The following USH2A variants were observed in gnomAD, a reference collection of about 807,000 sequenced individuals.
The protein encoded by USH2A is usherin.
USH2A carries 443 observed loss-of-function variants against 538.9 expected under a neutral mutation model. The ratio of observed to expected loss-of-function variants is 0.82; its 90% CI spans 0.76 to 0.89. USH2A has a LOEUF of 0.89. Among genes scored for constraint, USH2A ranks in the 40% least tolerant of loss-of-function variants. The probability of loss-of-function intolerance (pLI) is 0.00; values close to 1 mark genes in which losing one functional copy is unlikely to be tolerated. For synonymous variants in USH2A, 2,413 were observed against 2,273.5 expected, an observed-to-expected ratio of 1.06 and a Z score of -1.75; for missense variants, 6,633 against 6,324.8, an observed-to-expected ratio of 1.05 and a Z score of -1.65.
chr1:215,679,655 A>C (rs1439618164), intron 62 of USH2A, among the ~76,000 whole-genome samples: 1 of 152,258 alleles, frequency 6.6e-6, no homozygotes, highest in African/African-American at 2.4e-5. Flanking sequence ...TCACGGCTAC[A>C]TACAGAAGTT....
intron 52 of USH2A, among the ~76,000 whole-genome samples, chr1:215,783,858 T>C (rs977885751): frequency 4.6e-5 from 7 of 152,172 alleles, no homozygotes; most frequent in Non-Finnish European, 8.8e-5. Context: ...CTCATCTCCA[T>C]TGGACGTGGA....
Position 216,325,331 on chromosome 1 carries a change from CT to C in USH2A, c.1116del (p.Val373LeufsTer25). 6.2e-7 allele frequency: 1 copy of C among 1,613,804 alleles called. No individual in the cohort carries two copies. Among genetic ancestry groups the C allele is most frequent in the Non-Finnish European group, 8.5e-7 (1 of 1,179,852 alleles). On this transcript the variant is annotated frameshift_variant, in exon 6 of 72. Transcript: ENST00000307340. LOFTEE classifies it high-confidence loss of function. ...TGATACTGTCCATTTTCCAAATCAA[CT>C]GAAATAGTCACTCCTTGATTAAGCT... Reference protein sequence around the residue: ...ITQLNQGVTISVDLENGQYQV... With the variant: ...ITQLNQGVTIXVDLENGQYQV...
At chr1:216,127,578 C>T (rs1458470681) in intron 21 of USH2A, among the ~76,000 whole-genome samples, 4 of 152,140 alleles carry the variant, frequency 2.6e-5, no homozygotes, top group Non-Finnish European at 5.9e-5. Flanking sequence ...ATACAGAGAC[C>T]TTGCTAATAT....
intron 69 of USH2A, among the ~76,000 whole-genome samples, chr1:215,638,381 A>G (rs1253689660): frequency 6.6e-6 from 1 of 152,170 alleles, no homozygotes; most frequent in Non-Finnish European, 1.5e-5. Flanking sequence ...ACACTTTGGG[A>G]GGCCAAGGTG....
intron 3 of USH2A, among the ~76,000 whole-genome samples, chr1:216,387,162 G>A (rs1315299142): frequency 1.3e-5 from 2 of 152,160 alleles, no homozygotes; most frequent in Non-Finnish European, 2.9e-5. Context: ...ATAGAAAAGT[G>A]AAGAAATAGG....
intron 11 of USH2A, among the ~76,000 whole-genome samples, chr1:216,266,811 A>G (rs2036481756): frequency 1.3e-5 from 2 of 152,116 alleles, no homozygotes. Context: ...ATAGACAAGC[A>G]AAGGAATTAT....
In USH2A at chr1:215,752,023, T is replaced by C. The variant is rs74144035; in HGVS notation, c.11389+6572A>G. 2.2e-3 allele frequency among the ~76,000 whole-genome samples: 340 copies of C among 152,216 alleles called. 1 individual carries two copies. The highest frequency in any genetic ancestry group is 7.7e-3 in the African/African-American group (320 of 41,562). ...CATCCATAAGACAAGATGCAGTCTT[T>C]GGAAAATATGTGTATGTGCTCTGTT... is the stretch of plus-strand genomic sequence containing the variant. On this transcript the variant is annotated intron_variant, in intron 58 of 71. Coordinates refer to ENST00000307340, the MANE Select transcript of USH2A (RefSeq NM_206933.4).
intron 38 of USH2A, among the ~76,000 whole-genome samples, chr1:215,927,249 G>A (rs1252720642): frequency 2.0e-5 from 3 of 151,902 alleles, no homozygotes; most frequent in Non-Finnish European, 2.9e-5. Context: ...AAAAGACTTA[G>A]GATATTACAA....
intron 34 of USH2A, among the ~76,000 whole-genome samples, chr1:215,997,523 C>T (rs1247650399): frequency 6.6e-6 from 1 of 152,040 alleles, no homozygotes; most frequent in Non-Finnish European, 1.5e-5. Flanking sequence ...AATTAATACT[C>T]AGGGCAGAGG....
chr1:215,815,632 G>A (rs1662841104), intron 48 of USH2A, among the ~76,000 whole-genome samples: 1 of 151,678 alleles, frequency 6.6e-6, no homozygotes, highest in Admixed American at 6.6e-5. Context: ...CCTAAACATA[G>A]GTAAATATTA....
chr1:216,316,325 TAAC>T (rs2037508643), intron 9 of USH2A, among the ~76,000 whole-genome samples: 1 of 152,120 alleles, frequency 6.6e-6, no homozygotes, highest in South Asian at 2.1e-4. Flanking sequence ...AAATAGGAGT[TAAC>T]AATGAATATA....
At chr1:216,152,434 A>AC (rs1572004042) in intron 21 of USH2A, among the ~76,000 whole-genome samples, 1 of 135,538 alleles carries the variant, frequency 7.4e-6, no homozygotes, top group East Asian at 2.4e-4. Flanking sequence ...CTCAAAAATC[A>AC]CCCCCACTGA....
At chr1:216,107,803 C>G (rs2032775083) in intron 21 of USH2A, among the ~76,000 whole-genome samples, 1 of 151,168 alleles carries the variant, frequency 6.6e-6, no homozygotes, top group Non-Finnish European at 1.5e-5. Context: ...CCTAGGTAGA[C>G]TTTAGACTTT....
At chr1:215,815,536 C>T (rs892856844) in intron 48 of USH2A, among the ~76,000 whole-genome samples, 12 of 151,816 alleles carry the variant, frequency 7.9e-5, no homozygotes, top group Non-Finnish European at 1.8e-4. Flanking sequence ...TGGTACAAAG[C>T]TTCAGTAAAT....
intron 64 of USH2A, among the ~76,000 whole-genome samples, chr1:215,658,747 C>A (rs1458730355): frequency 6.6e-5 from 10 of 152,214 alleles, no homozygotes. Flanking sequence ...AGCAATATTG[C>A]ATATTACACA....
At position 216,063,901 on chromosome 1, in the gene USH2A, A is replaced by C. The variant is rs78576126; in HGVS notation, c.6049+6200T>G. Among the ~76,000 whole-genome samples the C allele has an allele frequency of 7.9e-3, 1,207 of 152,352 alleles. 21 individuals carry two copies. Among genetic ancestry groups the C allele is most frequent in the African/African-American group, 0.027 (1,128 of 41,570 alleles). On this transcript the variant is annotated intron_variant, in intron 30 of 71. Transcript: ENST00000307340. ...ATCACCAAATTTCTATAGACTACTA[A>C]TATTAAACATTGAAATGAATGTGTG...
At chr1:216,221,724 T>G (rs2035460935) in intron 14 of USH2A, among the ~76,000 whole-genome samples, 1 of 152,220 alleles carries the variant, frequency 6.6e-6, no homozygotes, top group Non-Finnish European at 1.5e-5. Context: ...GGTTCTGATC[T>G]GAGAACACTG....
chr1:216,337,678 C>T (rs1558044083), intron 4 of USH2A, among the ~76,000 whole-genome samples: 1 of 151,146 alleles, frequency 6.6e-6, no homozygotes, highest in East Asian at 1.9e-4. Flanking sequence ...CTAGACCTCA[C>T]AATCAGACAA....
At chr1:215,790,409 G>A in intron 50 of USH2A, 127 bp from the exon 51 acceptor site, 4 of 946,572 alleles carry the variant, frequency 4.2e-6, no homozygotes, top group Non-Finnish European at 6.5e-6. Context: ...ACCTAAGGTA[G>A]CATTTCCCTA....
Sources: allele counts gnomAD v4.1 joint callset (sites outside exome capture counted in the v4.1 genomes callset), GRCh38; gene constraint gnomAD v4.1.1; transcripts MANE v1.5; gene names NCBI Gene and HGNC (gene_info 2026-07-23, HGNC 2026-07-21).